The following RHCE variants were observed in gnomAD, a reference collection of about 807,000 sequenced individuals.
RHCE encodes blood group Rh(CE) polypeptide.
A neutral mutation model predicts 43.8 loss-of-function variants in RHCE; 22 were observed. The ratio of observed to expected loss-of-function variants is 0.50; its 90% confidence interval spans 0.36 to 0.72. The LOEUF is 0.72. Among genes scored for constraint, RHCE ranks in the 30% least tolerant of loss-of-function variants. RHCE has a pLI of 0.00. For missense variants in RHCE, 385 were observed against 525.4 expected, an observed-to-expected ratio of 0.73 and a Z score of 2.61; for synonymous variants, 156 against 210.7, an observed-to-expected ratio of 0.74 and a Z score of 2.25.
At chr1:25,402,769 G>A (rs1223412023) in intron 2 of RHCE, 23 bp from the exon 3 acceptor site, 1 of 1,613,824 alleles carries the variant, frequency 6.2e-7, no homozygotes, top group Non-Finnish European at 8.5e-7. Flanking sequence ...AGGAGAGCCA[G>A]GATGACTGAG....
At chr1:25,411,245 T>C (rs1647066510) in intron 1 of RHCE, 15 of 1,443,534 alleles carry the variant, frequency 1.0e-5, no homozygotes, top group Non-Finnish European at 1.3e-5. Flanking sequence ...CCGAAGGAAA[T>C]AATGTTTAGT....
upstream of RHCE, among the ~76,000 whole-genome samples, chr1:25,422,947 C>CGGAGCTCA (rs2042778282): frequency 6.6e-6 from 1 of 152,132 alleles, no homozygotes; most frequent in Non-Finnish European, 1.5e-5. Context: ...TGACAGGAGG[C>CGGAGCTCA]GGAGCTCAGG....
At chr1:25,428,453 C>T (rs1035964561) in intron 2 of RHCE, among the ~76,000 whole-genome samples, 1 of 152,214 alleles carries the variant, frequency 6.6e-6, no homozygotes, top group East Asian at 1.9e-4. Flanking sequence ...CTGTTCATAT[C>T]CTTTCTCAAT....
chr1:25,386,043 T>C (rs1458049497), intron 6 of RHCE, among the ~76,000 whole-genome samples, 199 bp from the exon 7 acceptor site: 13 of 152,118 alleles, frequency 8.5e-5, no homozygotes, highest in African/African-American at 1.2e-4. Flanking sequence ...CTTTAGTGGA[T>C]GTGGGGTGGG....
intron 8 of RHCE, among the ~76,000 whole-genome samples, chr1:25,374,300 G>A (rs1377674817): frequency 6.6e-6 from 1 of 151,920 alleles, no homozygotes; most frequent in East Asian, 1.9e-4. Context: ...TGTTGGCCAG[G>A]CTGGTCTTGA....
intron 7 of RHCE, among the ~76,000 whole-genome samples, chr1:25,385,316 G>C (rs896635877): frequency 1.3e-5 from 2 of 152,216 alleles, no homozygotes; most frequent in African/African-American, 4.8e-5. Flanking sequence ...TTACAAGGGG[G>C]CGACTGAGGC....
rs147566365 is a variant in RHCE, at chr1:25,373,583, C to G, written c.1153+1766G>C. 3.7e-3 allele frequency among the ~76,000 whole-genome samples: 556 copies of G among 151,822 alleles called. 19 individuals are homozygous for G. The highest frequency in any genetic ancestry group is 0.013 in the African/African-American group (528 of 41,138). On this transcript the variant is annotated intron_variant, in intron 8 of 9. Coordinates refer to ENST00000294413, the MANE Select transcript of RHCE (RefSeq NM_020485.8). ...ACCCAAGTAACTCCAAAATGTACCT[C>G]CATACAGTTTGTTAAAGCTGGAAGG...
chr1:25,392,226 G>C, intron 3 of RHCE, 85 bp from the exon 4 acceptor site: 3 of 1,606,008 alleles, frequency 1.9e-6, no homozygotes, highest in Non-Finnish European at 2.6e-6. Flanking sequence ...AAAGTTCAGA[G>C]CTTCACTTAG....
At position 25,390,896 on chromosome 1, in the gene RHCE, C is replaced by T. The variant is rs147082467; in HGVS notation, c.654G>A (p.Met218Ile). Residue 218 changes from methionine to isoleucine, a missense_variant, in exon 5 of 10, where the codon ATG becomes ATA. Physicochemically the swap from Met to Ile is conservative, Grantham distance 10 (BLOSUM62 1). This residue lies in a region of RHCE where 110 missense variants were observed against 103.4 expected (regional missense o/e 1.06). Transcript: ENST00000294413. Reference sequence around the variant, plus strand: ...GAGCAGAGTTGACACTTGGCCAGAACATCCACAAGAAGAGGGCGCCTGGGG... The same window carrying T: ...GAGCAGAGTTGACACTTGGCCAGAATATCCACAAGAAGAGGGCGCCTGGGG... ...SAMLGALFLW[M>I]FWPSVNSALL... is the part of the protein sequence containing the mutation. 4 of 1,613,744 alleles carry T rather than the reference C, an allele frequency of 2.5e-6. No homozygotes were observed. In the South Asian group the frequency reaches 3.3e-5, roughly 13 times the overall value.
intron 1 of RHCE, among the ~76,000 whole-genome samples, chr1:25,418,294 T>A (rs761208656): frequency 7.3e-5 from 11 of 149,972 alleles, no homozygotes; most frequent in Non-Finnish European, 1.6e-4. Flanking sequence ...CCCAAAGTGT[T>A]TGGGATTACA....
chr1:25,424,548 T>C (rs541057519), upstream of RHCE, among the ~76,000 whole-genome samples: 53 of 151,848 alleles, frequency 3.5e-4, no homozygotes, highest in Middle Eastern at 6.8e-3. Flanking sequence ...ATACCACACC[T>C]GGCTAGTTTT....
Position 25,392,033 on chromosome 1 carries a change from C to A in RHCE, c.595G>T (p.Asp199Tyr). ...KPLPKGTEDN[D>Y]QRATIPSLSA... ...AAACTGGGTATCGTTGCTCTCTGAT[C>A]ATTATCCTCCGTTCCCTTGGGTAGA... The change falls in exon 4 of 10, where the codon GAT becomes TAT. Residue 199 changes from aspartate (D) to tyrosine (Y), a missense_variant. Transcript: ENST00000294413. The A allele has an allele frequency of 6.2e-7, 1 of 1,614,162 alleles. No homozygotes were observed. Among genetic ancestry groups the A allele is most frequent in the Non-Finnish European group, 8.5e-7 (1 of 1,180,036 alleles).
At chr1:25,403,161 A>G (rs374919692) in intron 2 of RHCE, among the ~76,000 whole-genome samples, 216 of 151,916 alleles carry the variant, frequency 1.4e-3, no homozygotes, top group African/African-American at 4.4e-3. Context: ...GCCTGCCCAC[A>G]TCCAGTCACC....
chr1:25,390,821 ATAG>A lies in RHCE; in HGVS notation c.726_728del (p.Tyr243del). On this transcript the variant is annotated inframe_deletion, in exon 5 of 10. Coordinates refer to ENST00000294413, the MANE Select transcript of RHCE (RefSeq NM_020485.8). ...CTGTCACCACACTGACTGCTAGAGC[ATAG>A]TAGGTGTTGAACATGGCATTCTTCC... 1.9e-6 allele frequency: 3 copies of A among 1,614,236 alleles called. No individual in the cohort carries two copies. Among genetic ancestry groups the A allele is most frequent in the Non-Finnish European group, 2.5e-6 (3 of 1,180,044 alleles).
chr1:25,373,548 C>T (rs1645679279), intron 8 of RHCE, among the ~76,000 whole-genome samples: 1 of 151,798 alleles, frequency 6.6e-6, no homozygotes, highest in Non-Finnish European at 1.5e-5. Context: ...CAATCTCACA[C>T]TCAAAAATTA....
intron 7 of RHCE, among the ~76,000 whole-genome samples, chr1:25,377,135 C>T (rs1328475715): frequency 6.6e-6 from 1 of 151,994 alleles, no homozygotes; most frequent in Non-Finnish European, 1.5e-5. Context: ...TTATCAAAAC[C>T]TCAGGGAAAT....
At chr1:25,406,620 G>T in intron 2 of RHCE, among the ~76,000 whole-genome samples, 1 of 94,332 alleles carries the variant, frequency 1.1e-5, no homozygotes, top group Admixed American at 1.2e-4. Flanking sequence ...GCCTAAAACT[G>T]TTGTTTTTGG....
chr1:25,417,544 G>T (rs1647657351), intron 1 of RHCE, among the ~76,000 whole-genome samples: 1 of 152,052 alleles, frequency 6.6e-6, no homozygotes, highest in Admixed American at 6.6e-5. Flanking sequence ...AGTCAATCAA[G>T]ACAATTTCAA....
chr1:25,370,054 A>G (rs1645561844), intron 9 of RHCE, among the ~76,000 whole-genome samples: 1 of 151,500 alleles, frequency 6.6e-6, no homozygotes, highest in Non-Finnish European at 1.5e-5. Flanking sequence ...TAAGATCTTG[A>G]TAAGTCATGT....
Sources: gnomAD v4.1 joint callset for allele counts (sites outside exome capture counted in the v4.1 genomes callset) on GRCh38, gnomAD v4.1.1 for gene constraint, gnomAD v4.1.1 regional missense constraint, MANE v1.5 for transcripts, NCBI Gene and HGNC (gene_info 2026-07-23, HGNC 2026-07-21) for gene names.